ABCG5: variants seen among roughly 807,000 people sequenced by gnomAD.
ABCG5 encodes ATP binding cassette subfamily G member 5.
Under a neutral mutation model 64.5 loss-of-function variants are expected in ABCG5, and 64 were observed. The ratio of observed to expected loss-of-function variants is 0.99; its 90% CI spans 0.81 to 1.22. The LOEUF (loss-of-function observed/expected upper bound fraction) is 1.22. Ranked by LOEUF, ABCG5 falls within the 50% of genes most tolerant of loss-of-function variation. The pLI is 0.00. For synonymous variants in ABCG5, 385 were observed against 326.3 expected (o/e 1.18, Z -1.94); for missense variants, 908 against 829.5 (o/e 1.09, Z -1.16).
chr2:43,810,183 T>C (rs900543845), downstream of ABCG5, among the ~76,000 whole-genome samples: 1 of 152,196 alleles, frequency 6.6e-6, no homozygotes, highest in Admixed American at 6.5e-5. Context: ...GAAACCGGAA[T>C]TGGGTTCACA....
chr2:43,825,025 A>G lies in ABCG5; in HGVS notation c.775-7T>C. The G allele has an allele frequency of 6.2e-7, 1 of 1,613,448 alleles. No individual in the cohort carries two copies. The highest frequency in any genetic ancestry group is 8.5e-7 in the Non-Finnish European group (1 of 1,179,684). On this transcript the variant is annotated splice_polypyrimidine_tract_variant and splice_region_variant and intron_variant, in intron 6 of 12. Transcript: ENST00000405322. ...TGGCAATTTTGTCAAAGAGCTGACC[A>G]GACAACAGACGTAGTTAGTGTGTGA...
chr2:43,832,383 A>C (rs1357183829), intron 2 of ABCG5: 1 of 535,794 alleles, frequency 1.9e-6, no homozygotes, highest in Non-Finnish European at 3.3e-6. Context: ...TTTGTCTTTA[A>C]AACTGTTTTG....
chr2:43,837,407 C>T (rs192339262), intron 2 of ABCG5, among the ~76,000 whole-genome samples: 51 of 152,210 alleles, frequency 3.4e-4, no homozygotes, highest in African/African-American at 1.2e-3. Flanking sequence ...AGTCATAAGC[C>T]ACTGTGACCA....
chr2:43,826,657 A>C (rs1667626263), intron 5 of ABCG5, 136 bp from the exon 6 acceptor site: 2 of 1,366,944 alleles, frequency 1.5e-6, no homozygotes, highest in Admixed American at 1.8e-5. Flanking sequence ...AAACATGTAA[A>C]CTGGCTTTCA....
intron 11 of ABCG5, among the ~76,000 whole-genome samples, chr2:43,815,124 C>T (rs4148194): frequency 0.43 from 65,121 of 151,950 alleles, 15,684 homozygotes; most frequent in African/African-American, 0.65. Context: ...AAGGTACCAA[C>T]GTAGAAAGTT....
Position 43,824,367 on chromosome 2 carries a change from T to C in ABCG5, c.970A>G (p.Met324Val). 6.2e-7 allele frequency: 1 copy of C among 1,614,230 alleles called. No individual in the cohort carries two copies. The highest frequency in any genetic ancestry group is 1.3e-5 in the African/African-American group (1 of 75,074). Residue 324 changes from methionine (M) to valine (V), a missense_variant, in exon 8 of 13, where the codon ATG becomes GTG. Physicochemically the swap from Met to Val is conservative, Grantham distance 21. Coordinates refer to ENST00000405322, the MANE Select transcript of ABCG5 (RefSeq NM_022436.3). ...REIETSKRVQ[M>V]IESAYKKSAI... ...GATTTCTTGTAGGCAGATTCTATCA[T>C]CTGGACTCTCTTGGAGGTTTCTATT...
In ABCG5 at chr2:43,813,108, G is replaced by A. The variant is rs1412542158; in HGVS notation, c.*8C>T. On this transcript the variant is annotated 3_prime_UTR_variant, in exon 13 of 13. Transcript: ENST00000405322. ...GCTTCACTTCCATTTTCCCAGCCAT[G>A]GCTTTCACTACCTGCTAATGAGATG... The A allele has an allele frequency of 9.2e-7, 1 of 1,084,184 alleles. No homozygotes were observed. Among genetic ancestry groups the A allele is most frequent in the Non-Finnish European group, 1.4e-6 (1 of 696,090 alleles). The allele number at this position is 1,084,184 out of a possible 1,614,324, so 67.2% of individuals were successfully genotyped here. A position where few individuals can be genotyped will look rare whatever the true frequency, so the allele number is the denominator to read the frequency against.
chr2:43,809,482 C>A (rs1159000720), downstream of ABCG5, among the ~76,000 whole-genome samples: 1 of 152,158 alleles, frequency 6.6e-6, no homozygotes, highest in African/African-American at 2.4e-5. Context: ...TTAATAAATT[C>A]ATCTCTGAGT....
In ABCG5 at chr2:43,828,018, C is replaced by T. The variant is rs751809765; in HGVS notation, c.599G>A (p.Arg200Gln). The change falls in exon 5 of 13, where the codon CGG becomes CAG. Residue 200 changes from arginine to glutamine, a missense_variant. Arg to Gln is a conservative substitution (Grantham distance 43). Coordinates refer to ENST00000405322, the MANE Select transcript of ABCG5 (RefSeq NM_022436.3). ...LGGISTGERR[R>Q]VSIAAQLLQD... ...GAGCAGCTGGGCTGCGATGGAGACC[C>T]GGCGCCGCTCACCCGTGGAAATGCC... 9.9e-6 allele frequency: 16 copies of T among 1,614,078 alleles called. No homozygotes were observed. The highest frequency in any genetic ancestry group is 5.0e-5 in the Admixed American group (3 of 60,016).
At chr2:43,829,171 T>A (rs1404650552) in intron 4 of ABCG5, among the ~76,000 whole-genome samples, 1 of 152,154 alleles carries the variant, frequency 6.6e-6, no homozygotes, top group African/African-American at 2.4e-5. Flanking sequence ...CATAAGTGTT[T>A]GGGTTTTGAA....
chr2:43,808,111 G>A (rs1412633355), downstream of ABCG5, among the ~76,000 whole-genome samples: 1 of 152,046 alleles, frequency 6.6e-6, no homozygotes, highest in Non-Finnish European at 1.5e-5. Context: ...TAAACAATTT[G>A]TTTATTCTTT....
intron 4 of ABCG5, among the ~76,000 whole-genome samples, chr2:43,828,648 C>A (rs1667782402): frequency 6.6e-6 from 1 of 151,752 alleles, no homozygotes. Flanking sequence ...GGTGACAGAG[C>A]AAGACCCTGT....
rs1572791250 is a variant in ABCG5, at chr2:43,832,187, C to G, written c.266-104G>C. 18 of 1,474,026 alleles carry G rather than the reference C, an allele frequency of 1.2e-5. No homozygotes were observed. The South Asian group carries it at 2.1e-4, about 17-fold the overall frequency. 91.3% of individuals were successfully genotyped at this position (1,474,026 alleles called of 1,614,324 possible). A position where few individuals can be genotyped will look rare whatever the true frequency, so the allele number is the denominator to read the frequency against. On this transcript the variant is annotated intron_variant, in intron 2 of 12. Transcript: ENST00000405322. ...GGCATGACCCCGCGGGCCATGAGTG[C>G]TACATGACGGACCCTGTTCTAGGTG...
upstream of ABCG5, chr2:43,838,974 CAG>C: frequency 6.9e-7 from 1 of 1,450,492 alleles, no homozygotes; most frequent in South Asian, 1.2e-5. The surrounding 1 kb of genome is among the most constrained non-coding windows in gnomAD (Gnocchi z 4.2). Context: ...CTCCAGGAAA[CAG>C]AGTGAAGACA....
intron 2 of ABCG5, among the ~76,000 whole-genome samples, chr2:43,835,999 C>A (rs1016017498): frequency 2.6e-5 from 4 of 151,784 alleles, no homozygotes; most frequent in African/African-American, 9.7e-5. Flanking sequence ...TGCAGTGGCA[C>A]AATCTTGGCT....
intron 10 of ABCG5, 110 bp from the exon 11 acceptor site, chr2:43,820,210 T>A: frequency 1.5e-6 from 2 of 1,330,770 alleles, no homozygotes; most frequent in Non-Finnish European, 2.1e-6. Context: ...GGGAGAAGTT[T>A]GCAGGGCAAG....
intron 2 of ABCG5, chr2:43,832,541 G>A (rs535459588): frequency 5.5e-6 from 1 of 182,500 alleles, no homozygotes; most frequent in African/African-American, 2.4e-5. Context: ...CTAGAGCCTT[G>A]CTCACAAAGC....
chr2:43,810,706 C>G (rs765805292), downstream of ABCG5, among the ~76,000 whole-genome samples: 2 of 152,134 alleles, frequency 1.3e-5, no homozygotes, highest in Non-Finnish European at 2.9e-5. Flanking sequence ...ATTTGCAGTA[C>G]GTATGGTTCT....
intron 6 of ABCG5, among the ~76,000 whole-genome samples, chr2:43,825,980 T>C (rs752218631): frequency 4.0e-5 from 6 of 151,692 alleles, no homozygotes; most frequent in Admixed American, 6.6e-5. Context: ...TAACGGTTTT[T>C]TGTTTGTTTG....
Sources: gnomAD v4.1 joint callset for allele counts (sites outside exome capture counted in the v4.1 genomes callset) on GRCh38, gnomAD v4.1.1 for gene constraint, Gnocchi (gnomAD v3.1) non-coding constraint, MANE v1.5 for transcripts, NCBI Gene and HGNC (gene_info 2026-07-23, HGNC 2026-07-21) for gene names.